The following SRSF6 variants were observed in gnomAD, a reference collection of about 807,000 sequenced individuals.
The protein encoded by SRSF6 is serine/arginine-rich splicing factor 6.
A neutral mutation model predicts 42.0 loss-of-function variants in SRSF6; 17 were observed. The observed-to-expected ratio is 0.40, with a 90% CI of 0.28 to 0.61. The LOEUF (loss-of-function observed/expected upper bound fraction) is 0.61. Ranked by LOEUF, SRSF6 falls within the 20% of genes least tolerant of loss-of-function variation. The pLI is 0.37. For synonymous variants in SRSF6, 204 were observed against 166.7 expected, an observed-to-expected ratio of 1.22 and a Z score of -1.72; for missense variants, 379 against 471.4, an observed-to-expected ratio of 0.80 and a Z score of 1.81.
In SRSF6 at chr20:43,458,023, C is replaced by T. The variant is rs1239884077; in HGVS notation, c.-11C>T. The T allele has an allele frequency of 6.2e-7, 1 of 1,607,810 alleles. No individual in the cohort carries two copies. Among genetic ancestry groups the T allele is most frequent in the Non-Finnish European group, 8.5e-7 (1 of 1,177,338 alleles). On this transcript the variant is annotated 5_prime_UTR_variant, in exon 1 of 6. Transcript: ENST00000244020. Reference sequence around the variant, plus strand: ...CGACAACCAGCCCTTGGGTCCCCGCCCGCCACGGACATGCCGCGCGTCTAC... The same window carrying T: ...CGACAACCAGCCCTTGGGTCCCCGCTCGCCACGGACATGCCGCGCGTCTAC...
At chr20:43,458,252 T>C (rs910356381) in intron 1 of SRSF6, 109 bp from the exon 2 acceptor site, 7 of 1,402,224 alleles carry the variant, frequency 5.0e-6, no homozygotes, top group African/African-American at 4.6e-5. Context: ...GCCTCAAAGA[T>C]GGCGACGGCG....
At chr20:43,459,076 G>A (rs2017546229) in intron 2 of SRSF6, 2 of 1,297,656 alleles carry the variant, frequency 1.5e-6, no homozygotes, top group Non-Finnish European at 1.0e-6. Flanking sequence ...TTTTGGTTAT[G>A]TTAAATGTTT....
At position 43,464,129 on chromosome 20, in the gene SRSF6, T is replaced by C. The variant is rs763486801; in HGVS notation, c.*3066T>C. 8 of 152,236 alleles carry C rather than the reference T, an allele frequency of 5.3e-5. No individual in the cohort carries two copies. The highest frequency in any genetic ancestry group is 8.8e-5 in the Non-Finnish European group (6 of 68,042). 9.4% of individuals were successfully genotyped at this position (152,236 alleles called of 1,614,324 possible). A position where few individuals can be genotyped will look rare whatever the true frequency, so the allele number is the denominator to read the frequency against. Reference sequence around the variant, plus strand: ...TGGTTACTGTTGAATGAATGTATGATAAATTTTTTTTCAGAACCAACAGTG... The same window carrying C: ...TGGTTACTGTTGAATGAATGTATGACAAATTTTTTTTCAGAACCAACAGTG... On this transcript the variant is annotated 3_prime_UTR_variant, in exon 6 of 6. Coordinates refer to ENST00000244020, the MANE Select transcript of SRSF6 (RefSeq NM_006275.6).
intron 2 of SRSF6, 54 bp from the exon 3 acceptor site, chr20:43,459,717 A>G: frequency 1.9e-6 from 3 of 1,611,156 alleles, no homozygotes; most frequent in Non-Finnish European, 2.5e-6. Flanking sequence ...TTTCAAAGAC[A>G]TTATGCGTTT....
chr20:43,462,330 C>A lies in SRSF6; in HGVS notation c.*1267C>A, dbSNP rs533048956. 8.0e-4 allele frequency: 122 copies of A among 152,278 alleles called. 1 individual carries two copies. Among genetic ancestry groups the A allele is most frequent in the African/African-American group, 2.9e-3 (121 of 41,562 alleles). 9.4% of individuals were successfully genotyped at this position (152,278 alleles called of 1,614,324 possible). ...AGCAATTAGTCCATACATCCATAAG[C>A]CTGATGAGTTGAAATTGCAGTTTGA... On this transcript the variant is annotated 3_prime_UTR_variant, in exon 6 of 6. Transcript: ENST00000244020.
rs6030881 is a variant in SRSF6 at position 43,459,930 on chromosome 20, C to T, written c.381+35C>T. The T allele has an allele frequency of 6.2e-6, 10 of 1,601,236 alleles. No individual in the cohort carries two copies. In the African/African-American group the frequency reaches 6.7e-5, roughly 11 times the overall value. On this transcript the variant is annotated intron_variant, in intron 3 of 5. Transcript: ENST00000244020. ...GTAATTCAAGATAGAAATGATATGA[C>T]TAATGCTTTAAAGTAAACTCCTTTT...
rs765948001 is a variant in SRSF6, at chr20:43,458,064, T to C, written c.31T>C (p.Tyr11His). 1 of 1,613,320 alleles carries C rather than the reference T, an allele frequency of 6.2e-7. No individual in the cohort carries two copies. MPRVYIGRLS[Y>H]NVREKDIQRF... ...GCGCGTCTACATAGGACGCCTGAGC[T>C]ACAACGTCCGGGAGAAGGACATCCA... The change falls in exon 1 of 6, where the codon TAC becomes CAC. Residue 11 changes from tyrosine to histidine, a missense_variant. By Grantham distance (83) the Tyr-to-His change is moderately conservative (BLOSUM62 2). Transcript: ENST00000244020.
chr20:43,459,947 ACTC>A lies in SRSF6; in HGVS notation c.381+55_381+57del, dbSNP rs773419263. On this transcript the variant is annotated intron_variant, in intron 3 of 5. Coordinates refer to ENST00000244020, the MANE Select transcript of SRSF6 (RefSeq NM_006275.6). ...TGATATGACTAATGCTTTAAAGTAAACTCCTTTTATATTCTTATTTCTGGGAAT... is the reference window on the plus strand; with the variant it reads ...TGATATGACTAATGCTTTAAAGTAAACTTTTATATTCTTATTTCTGGGAAT... 97 of 1,600,754 alleles carry A rather than the reference ACTC, an allele frequency of 6.1e-5. 1 individual carries two copies. In the African/African-American group the frequency reaches 6.1e-4, roughly 10 times the overall value.
chr20:43,460,963 C>G lies in SRSF6; in HGVS notation c.935C>G (p.Ala312Gly), dbSNP rs765856044. 1 of 1,614,162 alleles carries G rather than the reference C, an allele frequency of 6.2e-7. No individual in the cohort carries two copies. Among genetic ancestry groups the G allele is most frequent in the South Asian group, 1.1e-5 (1 of 91,080 alleles). Reference protein sequence around the residue: ...NSPLPVPPSKARSVSPPPKRA... With the variant: ...NSPLPVPPSKGRSVSPPPKRA... ...CCGCTACCTGTTCCACCCTCAAAGGCCCGTTCTGTGTCCCCTCCACCAAAA... is the reference window on the plus strand; with the variant it reads ...CCGCTACCTGTTCCACCCTCAAAGGGCCGTTCTGTGTCCCCTCCACCAAAA... Residue 312 changes from alanine to glycine, a missense_variant, in exon 6 of 6, where the codon GCC (alanine) becomes GGC (glycine). By Grantham distance (60) the Ala-to-Gly change is moderately conservative. This residue lies in a region of SRSF6 where 219 missense variants were observed against 216.1 expected (regional missense o/e 1.01). Coordinates refer to ENST00000244020, the MANE Select transcript of SRSF6 (RefSeq NM_006275.6).
At chr20:43,458,240 G>A in intron 1 of SRSF6, 100 bp downstream of exon 1, 1 of 1,432,506 alleles carries the variant, frequency 7.0e-7, no homozygotes, top group Non-Finnish European at 9.2e-7. Flanking sequence ...CCGCGTGGCA[G>A]GGCCTCAAAG....
chr20:43,458,824 T>TA (rs1207020687), intron 2 of SRSF6, among the ~76,000 whole-genome samples: 2 of 130,352 alleles, frequency 1.5e-5, no homozygotes, highest in Non-Finnish European at 3.1e-5. Context: ...TCTCCTTACT[T>TA]ACCTATCAGT....
chr20:43,461,334 G>GTTTTTTTTTTTTTTTTTTTTTTT lies in SRSF6; in HGVS notation c.*273_*274insTTTTTTTTTTTTTTTTTTTTTTT, dbSNP rs1196378267. 6 of 56,458 alleles carry GTTTTTTTTTTTTTTTTTTTTTTT rather than the reference G, an allele frequency of 1.1e-4. 1 individual carries two copies. Among genetic ancestry groups the GTTTTTTTTTTTTTTTTTTTTTTT allele is most frequent in the African/African-American group, 3.7e-4 (5 of 13,540 alleles). The allele number at this position is 56,458 out of a possible 1,614,324, so 3.5% of individuals were successfully genotyped here. Reference sequence around the variant, plus strand: ...TTTGTAAAGATTAAGCTCATTTAGTGTTGTTTTTTTTTTTTTTTTTTTTTT... The same window carrying GTTTTTTTTTTTTTTTTTTTTTTT: ...TTTGTAAAGATTAAGCTCATTTAGTGTTTTTTTTTTTTTTTTTTTTTTTTTGTTTTTTTTTTTTTTTTTTTTTT... On this transcript the variant is annotated 3_prime_UTR_variant, in exon 6 of 6. Coordinates refer to ENST00000244020, the MANE Select transcript of SRSF6 (RefSeq NM_006275.6).
rs770232945 is a variant in SRSF6, at chr20:43,458,410, T to C, written c.157T>C (p.Tyr53His). The C allele has an allele frequency of 2.6e-6, 4 of 1,554,880 alleles. No homozygotes were observed. In the African/African-American group the frequency reaches 4.3e-5, roughly 17 times the overall value. Residue 53 changes from tyrosine (Y) to histidine (H), a missense_variant, in exon 2 of 6, where the codon TAC (tyrosine) becomes CAC (histidine). Transcript: ENST00000244020. ...EDSRDADDAVYELNGKELCGE... is the reference protein window; with the variant it reads ...EDSRDADDAVHELNGKELCGE... Reference sequence around the variant, plus strand: ...CTCCCGCGACGCCGACGACGCCGTTTACGAGCTGAACGGCAAGGAGCTCTG... The same window carrying C: ...CTCCCGCGACGCCGACGACGCCGTTCACGAGCTGAACGGCAAGGAGCTCTG...
Position 43,461,466 on chromosome 20 carries a change from C to T in SRSF6, c.*403C>T, listed in dbSNP as rs1235974062. On this transcript the variant is annotated 3_prime_UTR_variant, in exon 6 of 6. Coordinates refer to ENST00000244020, the MANE Select transcript of SRSF6 (RefSeq NM_006275.6). Reference sequence around the variant, plus strand: ...TGTTTTGAGCTTTGAATACTTAAGGCTTTAGAGGGAGAACCCAATTTTCAA... The same window carrying T: ...TGTTTTGAGCTTTGAATACTTAAGGTTTTAGAGGGAGAACCCAATTTTCAA... 6.5e-6 allele frequency: 1 copy of T among 154,356 alleles called. No homozygotes were observed. The highest frequency in any genetic ancestry group is 1.9e-4 in the East Asian group (1 of 5,252). 9.6% of individuals were successfully genotyped at this position (154,356 alleles called of 1,614,324 possible).
rs1242287379 is a variant in SRSF6 at position 43,462,644 on chromosome 20, G to T, written c.*1581G>T. On this transcript the variant is annotated 3_prime_UTR_variant, in exon 6 of 6. Transcript: ENST00000244020. ...TAATAAGATTGAGTGAAAAATTTGA[G>T]TCAAATATCTAGGGCATTCACAGAG... is the stretch of plus-strand genomic sequence containing the variant. 6.6e-6 allele frequency: 1 copy of T among 152,134 alleles called. No homozygotes were observed. Among genetic ancestry groups the T allele is most frequent in the African/African-American group, 2.4e-5 (1 of 41,420 alleles). The allele number at this position is 152,134 out of a possible 1,614,324, so 9.4% of individuals were successfully genotyped here.
At chr20:43,458,821 A>C (rs2017541948) in intron 2 of SRSF6, among the ~76,000 whole-genome samples, 1 of 133,644 alleles carries the variant, frequency 7.5e-6, no homozygotes, top group Non-Finnish European at 1.5e-5. Flanking sequence ...TATTCTCCTT[A>C]CTTACCTATC....
intron 2 of SRSF6, chr20:43,459,037 GCATGTTATTGGGA>G: frequency 1.2e-6 from 1 of 866,108 alleles, no homozygotes; most frequent in South Asian, 1.5e-5. Context: ...ACTAATTGGG[GCATGTTATTGGGA>G]GGAGGTTGGG....
rs1324399289 is a variant in SRSF6 at position 43,461,334 on chromosome 20, GTTGTTT to G, written c.*274_*279del. On this transcript the variant is annotated 3_prime_UTR_variant, in exon 6 of 6. Coordinates refer to ENST00000244020, the MANE Select transcript of SRSF6 (RefSeq NM_006275.6). ...TTTGTAAAGATTAAGCTCATTTAGT[GTTGTTT>G]TTTTTTTTTTTTTTTTTTTTTTTTT... is the stretch of plus-strand genomic sequence containing the variant. 395 of 56,484 alleles carry G rather than the reference GTTGTTT, an allele frequency of 7.0e-3. 19 individuals are homozygous for G. Among genetic ancestry groups the G allele is most frequent in the African/African-American group, 0.026 (350 of 13,562 alleles). The allele number at this position is 56,484 out of a possible 1,614,324, so 3.5% of individuals were successfully genotyped here. A position where few individuals can be genotyped will look rare whatever the true frequency, so the allele number is the denominator to read the frequency against.
Position 43,460,201 on chromosome 20 carries a change from C to T in SRSF6, c.550C>T (p.Arg184Cys), listed in dbSNP as rs149309229. Reference sequence around the variant, plus strand: ...TATTAGGCTTATTGAAGATAAGCCACGCACAAGCCATAGGCGATCTTACTC... The same window carrying T: ...TATTAGGCTTATTGAAGATAAGCCATGCACAAGCCATAGGCGATCTTACTC... ...RNIRLIEDKP[R>C]TSHRRSYSGS... Residue 184 changes from arginine (R) to cysteine (C), a missense_variant, in exon 4 of 6, where the codon CGC (arginine) becomes TGC (cysteine). Coordinates refer to ENST00000244020, the MANE Select transcript of SRSF6 (RefSeq NM_006275.6). 1.7e-5 allele frequency: 27 copies of T among 1,613,896 alleles called. No individual in the cohort carries two copies. The highest frequency in any genetic ancestry group is 2.0e-5 in the Non-Finnish European group (24 of 1,179,972).
Sources: allele counts gnomAD v4.1 joint callset (sites outside exome capture counted in the v4.1 genomes callset), GRCh38; gene constraint gnomAD v4.1.1; regional missense constraint gnomAD v4.1.1; transcripts MANE v1.5; gene names NCBI Gene and HGNC (gene_info 2026-07-23, HGNC 2026-07-21).